SAMSN1: variants seen among roughly 807,000 people sequenced by gnomAD.
SAMSN1 encodes SAM domain-containing protein SAMSN-1.
In SAMSN1, 31 loss-of-function variants were observed where a neutral mutation model predicts 42.0. The ratio of observed to expected loss-of-function variants is 0.74; its 90% CI spans 0.55 to 1.00. The LOEUF (loss-of-function observed/expected upper bound fraction) is 1.00. SAMSN1 is among the 50% of genes least tolerant of loss of function. The pLI, the probability that SAMSN1 is intolerant of heterozygous loss-of-function variation, is 0.00. For missense variants in SAMSN1, 464 were observed against 439.4 expected, an observed-to-expected ratio of 1.06 and a Z score of -0.50; for synonymous variants, 178 against 151.9, an observed-to-expected ratio of 1.17 and a Z score of -1.26.
intron 1 of SAMSN1, among the ~76,000 whole-genome samples, chr21:14,532,582 A>C (rs1979338246): frequency 6.6e-6 from 1 of 152,214 alleles, no homozygotes; most frequent in South Asian, 2.1e-4. Flanking sequence ...GAAATATAAG[A>C]GTAGTGGTAA....
At chr21:14,549,222 T>A (rs1188801020), upstream of SAMSN1, among the ~76,000 whole-genome samples, 1 of 152,114 alleles carries the variant, frequency 6.6e-6, no homozygotes, top group Non-Finnish European at 1.5e-5. Context: ...AAATTAGAGA[T>A]CATGGGACAT....
At chr21:14,624,909 C>T (rs1198192998) in intron 2 of SAMSN1, among the ~76,000 whole-genome samples, 1 of 152,086 alleles carries the variant, frequency 6.6e-6, no homozygotes, top group Non-Finnish European at 1.5e-5. Flanking sequence ...TCCAGTAGCC[C>T]ATCAAAAAGC....
intron 2 of SAMSN1, among the ~76,000 whole-genome samples, chr21:14,623,355 G>A (rs577404168): frequency 2.0e-4 from 30 of 152,154 alleles, no homozygotes; most frequent in East Asian, 1.2e-3. Flanking sequence ...ACCCATCAGC[G>A]TCAGTGTGCT....
chr21:14,649,120 G>A (rs1309780676), intron 1 of SAMSN1, among the ~76,000 whole-genome samples: 1 of 151,956 alleles, frequency 6.6e-6, no homozygotes, highest in Admixed American at 6.6e-5. Flanking sequence ...GTCCTTTGTA[G>A]GGACATGGAT....
intron 2 of SAMSN1, among the ~76,000 whole-genome samples, chr21:14,572,083 G>T (rs1249911244): frequency 6.6e-6 from 1 of 152,102 alleles, no homozygotes; most frequent in Admixed American, 6.6e-5. Context: ...ACAGCTCAGG[G>T]AAATACCTGA....
intron 1 of SAMSN1, among the ~76,000 whole-genome samples, chr21:14,656,353 G>A (rs465674): frequency 0.77 from 115,964 of 151,374 alleles, 44,949 homozygotes; most frequent in Middle Eastern, 0.89. Flanking sequence ...TAAAATGAAA[G>A]GGATAGAAAT....
chr21:14,575,411 C>T lies in SAMSN1; in HGVS notation c.261+6725G>A, dbSNP rs192167916. On this transcript the variant is annotated intron_variant, in intron 2 of 8. Transcript: ENST00000285670. Reference sequence around the variant, plus strand: ...TAGATATGTTTTGGCATTTTTGCATCACATTTTCCTATTTATCTTTTCAAA... The same window carrying T: ...TAGATATGTTTTGGCATTTTTGCATTACATTTTCCTATTTATCTTTTCAAA... 4.6e-5 allele frequency among the ~76,000 whole-genome samples: 7 copies of T among 152,222 alleles called. No homozygotes were observed. The East Asian group carries it at 1.4e-3, about 29-fold the overall frequency.
intron 2 of SAMSN1, among the ~76,000 whole-genome samples, chr21:14,570,027 A>G (rs772631749): frequency 6.6e-6 from 1 of 150,988 alleles, no homozygotes; most frequent in Non-Finnish European, 1.5e-5. Flanking sequence ...CATGAGTTAC[A>G]GTGGCTTGCA....
At chr21:14,512,658 AT>A (rs1291183876) in intron 3 of SAMSN1, 85 bp from the exon 4 acceptor site, 10 of 1,200,632 alleles carry the variant, frequency 8.3e-6, no homozygotes, top group Admixed American at 1.9e-5. Flanking sequence ...ATAGACACAT[AT>A]TTTAGCAATA....
intron 1 of SAMSN1, among the ~76,000 whole-genome samples, chr21:14,545,055 T>C (rs190631102): frequency 5.3e-5 from 8 of 152,292 alleles, no homozygotes; most frequent in Non-Finnish European, 7.4e-5. Context: ...AAAGAAATCA[T>C]GATACGTTAT....
At chr21:14,653,857 A>G (rs1481185140) in intron 1 of SAMSN1, among the ~76,000 whole-genome samples, 1 of 18,168 alleles carries the variant, frequency 5.5e-5, no homozygotes, top group East Asian at 2.0e-3. Flanking sequence ...TGCAACACAC[A>G]CACACACACA....
In SAMSN1 at chr21:14,493,613, A is replaced by G. The variant is rs77929574; in HGVS notation, c.919+4829T>C. 4.0e-3 allele frequency among the ~76,000 whole-genome samples: 601 copies of G among 151,030 alleles called. 5 individuals are homozygous for G. The highest frequency in any genetic ancestry group is 0.013 in the African/African-American group (546 of 40,878). ...CACACACACACACACACACACACACATATTTTCTGTTCTCTTTTTTATTTG... is the reference window on the plus strand; with the variant it reads ...CACACACACACACACACACACACACGTATTTTCTGTTCTCTTTTTTATTTG... On this transcript the variant is annotated intron_variant, in intron 7 of 7. Coordinates refer to ENST00000400566, the MANE Select transcript of SAMSN1 (RefSeq NM_022136.5).
intron 1 of SAMSN1, among the ~76,000 whole-genome samples, chr21:14,654,675 A>G (rs543507454): frequency 6.6e-5 from 10 of 151,988 alleles, no homozygotes; most frequent in Non-Finnish European, 1.2e-4. Flanking sequence ...CGGCCAGCAA[A>G]ACAGAATATG....
At chr21:14,534,595 A>T (rs948673054) in intron 1 of SAMSN1, among the ~76,000 whole-genome samples, 7 of 151,496 alleles carry the variant, frequency 4.6e-5, no homozygotes, top group Non-Finnish European at 1.0e-4. Flanking sequence ...GGCTCACTGC[A>T]AGCTCCGCCT....
At chr21:14,628,063 G>T (rs1023748372) in intron 2 of SAMSN1, among the ~76,000 whole-genome samples, 3 of 152,080 alleles carry the variant, frequency 2.0e-5, no homozygotes, top group Admixed American at 1.3e-4. Flanking sequence ...GTAATAGAAA[G>T]AAATTTCTGC....
At chr21:14,639,611 G>A (rs1439750053) in intron 2 of SAMSN1, among the ~76,000 whole-genome samples, 3 of 152,084 alleles carry the variant, frequency 2.0e-5, no homozygotes, top group African/African-American at 7.2e-5. Context: ...CCAAACCATA[G>A]CATTCTCACT....
intron 2 of SAMSN1, among the ~76,000 whole-genome samples, chr21:14,618,702 G>A (rs1266952391): frequency 1.2e-4 from 17 of 144,924 alleles, no homozygotes; most frequent in Middle Eastern, 3.7e-3. Context: ...GCGCGCGCGC[G>A]CACGCGCGTG....
intron 7 of SAMSN1, among the ~76,000 whole-genome samples, chr21:14,497,832 T>C (rs867234425): frequency 1.3e-5 from 2 of 152,160 alleles, no homozygotes; most frequent in African/African-American, 2.4e-5. Context: ...AGCTATCCTA[T>C]CTTTACAAGC....
upstream of SAMSN1, among the ~76,000 whole-genome samples, chr21:14,548,680 T>TCC (rs1327008782): frequency 6.6e-6 from 1 of 151,770 alleles, no homozygotes; most frequent in Admixed American, 6.6e-5. Flanking sequence ...ACATTTGAGG[T>TCC]CCCATTCATT....
Sources: allele counts gnomAD v4.1 joint callset (sites outside exome capture counted in the v4.1 genomes callset), GRCh38; gene constraint gnomAD v4.1.1; transcripts MANE v1.5; gene names NCBI Gene and HGNC (gene_info 2026-07-23, HGNC 2026-07-21).